The following MACROD2 variants were observed in gnomAD, a reference collection of about 807,000 sequenced individuals.
MACROD2 encodes mono-ADP ribosylhydrolase 2.
MACROD2 carries 36 observed loss-of-function variants against 70.4 expected under a neutral mutation model. The ratio of observed to expected loss-of-function variants is 0.51; its 90% CI spans 0.39 to 0.68. The LOEUF (loss-of-function observed/expected upper bound fraction) is 0.68, where lower values mean the gene tolerates loss of function less well. Among genes scored for constraint, MACROD2 ranks in the 30% least tolerant of loss-of-function variants. MACROD2 has a pLI of 0.00. For missense variants in MACROD2, 496 were observed against 538.4 expected (o/e 0.92, Z 0.78); for synonymous variants, 172 against 178.8 (o/e 0.96, Z 0.30).
intron 8 of MACROD2, among the ~76,000 whole-genome samples, chr20:15,572,323 A>C (rs1263271437): frequency 1.3e-5 from 2 of 152,156 alleles, no homozygotes; most frequent in Non-Finnish European, 2.9e-5. Flanking sequence ...TTTATTCTCA[A>C]ATTTGCAATG....
At chr20:14,756,106 G>A (rs1330957077) in intron 5 of MACROD2, among the ~76,000 whole-genome samples, 1 of 151,886 alleles carries the variant, frequency 6.6e-6, no homozygotes, top group Admixed American at 6.5e-5. Flanking sequence ...GAGACTTTTA[G>A]GCCTTACATG....
At chr20:15,031,946 C>G (rs1358997004) in intron 5 of MACROD2, among the ~76,000 whole-genome samples, 1 of 152,194 alleles carries the variant, frequency 6.6e-6, no homozygotes, top group Non-Finnish European at 1.5e-5. Flanking sequence ...CTGTTCGTGC[C>G]CAGGCCCGCA....
At chr20:16,023,339 G>T (rs1344572643) in intron 15 of MACROD2, among the ~76,000 whole-genome samples, 2 of 151,982 alleles carry the variant, frequency 1.3e-5, no homozygotes, top group East Asian at 1.9e-4. Flanking sequence ...GCCGGGCATG[G>T]TGGCGGGCTC....
At chr20:15,152,637 G>C (rs187661558) in intron 5 of MACROD2, among the ~76,000 whole-genome samples, 1 of 100,056 alleles carries the variant, frequency 1.0e-5, no homozygotes, top group Non-Finnish European at 2.2e-5. Flanking sequence ...GCGGAGAAGG[G>C]GTAGAGACAC....
intron 6 of MACROD2, among the ~76,000 whole-genome samples, chr20:15,258,591 T>C (rs937926693): frequency 1.3e-5 from 2 of 152,066 alleles, no homozygotes; most frequent in African/African-American, 4.8e-5. Context: ...GGCTACACCA[T>C]CTAGGTTTGT....
intron 6 of MACROD2, among the ~76,000 whole-genome samples, chr20:15,311,788 G>A (rs1344699893): frequency 6.6e-6 from 1 of 152,150 alleles, no homozygotes; most frequent in East Asian, 1.9e-4. Context: ...ACTAGAGTGG[G>A]GAGGGAAAGG....
chr20:14,931,745 T>C (rs1466648705), intron 5 of MACROD2, among the ~76,000 whole-genome samples: 1 of 151,454 alleles, frequency 6.6e-6, no homozygotes, highest in Admixed American at 6.6e-5. Context: ...TGGCGTGTAA[T>C]CCAGTGCTTT....
At chr20:14,828,833 A>G (rs977290086) in intron 5 of MACROD2, among the ~76,000 whole-genome samples, 1 of 152,078 alleles carries the variant, frequency 6.6e-6, no homozygotes, top group African/African-American at 2.4e-5. Context: ...ATCTTAAGTC[A>G]GATAATTTTA....
At chr20:14,988,637 T>C (rs2074871826) in intron 5 of MACROD2, among the ~76,000 whole-genome samples, 1 of 152,170 alleles carries the variant, frequency 6.6e-6, no homozygotes, top group Non-Finnish European at 1.5e-5. Flanking sequence ...AAACTACCTA[T>C]TTGCTATATC....
Position 14,326,383 on chromosome 20 carries a change from T to C in MACROD2, c.272-167096T>C. 1 of 1,613,942 alleles carries C rather than the reference T, an allele frequency of 6.2e-7. No individual in the cohort carries two copies. Among genetic ancestry groups the C allele is most frequent in the Non-Finnish European group, 8.5e-7 (1 of 1,179,880 alleles). On this transcript the variant is annotated intron_variant, in intron 3 of 17. Coordinates refer to ENST00000684519, the MANE Select transcript of MACROD2 (RefSeq NM_001351661.2). The surrounding 1 kb of genome is among the most constrained non-coding windows in gnomAD (Gnocchi z 5.5). ...AGCTGGCCACTGTCCTTGGGCAGGA[T>C]ACACTGTGTTGGGTATTGCAGTGGT...
At chr20:14,365,492 A>G (rs1364531142) in intron 3 of MACROD2, among the ~76,000 whole-genome samples, 1 of 151,718 alleles carries the variant, frequency 6.6e-6, no homozygotes, top group African/African-American at 2.4e-5. Context: ...TGATTATTGT[A>G]TATTTTTTAC....
At chr20:15,175,760 C>T (rs1214493549) in intron 5 of MACROD2, among the ~76,000 whole-genome samples, 1 of 152,238 alleles carries the variant, frequency 6.6e-6, no homozygotes, top group Non-Finnish European at 1.5e-5. Context: ...TCTGGAGGAG[C>T]CACTGCAAAG....
chr20:14,950,843 T>C (rs1457859216), intron 5 of MACROD2, among the ~76,000 whole-genome samples: 1 of 152,128 alleles, frequency 6.6e-6, no homozygotes, highest in African/African-American at 2.4e-5. Context: ...TGACCTGCTG[T>C]GACAATCTTC....
rs1441817684 is a variant in MACROD2, at chr20:14,446,015, T to A, written c.272-47464T>A. Among the ~76,000 whole-genome samples the A allele has an allele frequency of 1.3e-5, 2 of 152,054 alleles. 1 individual carries two copies. Among genetic ancestry groups the A allele is most frequent in the African/African-American group, 4.8e-5 (2 of 41,364 alleles). The stretch of plus-strand genomic sequence containing the variant: ...GTTTGTGACTATACATCCACTACTA[T>A]TTTACTGTCCAGAATTTGGTCATAC... On this transcript the variant is annotated intron_variant, in intron 3 of 17. Coordinates refer to ENST00000684519, the MANE Select transcript of MACROD2 (RefSeq NM_001351661.2).
intron 5 of MACROD2, among the ~76,000 whole-genome samples, chr20:14,973,097 T>G (rs138272365): frequency 6.6e-6 from 1 of 152,318 alleles, no homozygotes; most frequent in East Asian, 1.9e-4. Context: ...CTGAGAAATT[T>G]ATCATAAATC....
intron 8 of MACROD2, among the ~76,000 whole-genome samples, chr20:15,630,913 A>G (rs553772019): frequency 3.3e-5 from 5 of 152,312 alleles, no homozygotes; most frequent in African/African-American, 4.8e-5. Context: ...ATCGATTCCA[A>G]CAGAACTTTA....
intron 8 of MACROD2, among the ~76,000 whole-genome samples, chr20:15,834,976 G>T (rs905188530): frequency 3.9e-5 from 6 of 152,106 alleles, no homozygotes; most frequent in African/African-American, 1.4e-4. Context: ...GGCTTTTGCA[G>T]CTTCTGGCTG....
intron 3 of MACROD2, among the ~76,000 whole-genome samples, chr20:14,160,566 A>G (rs1254035511): frequency 6.6e-6 from 1 of 151,928 alleles, no homozygotes; most frequent in East Asian, 1.9e-4. Flanking sequence ...TATCAGTTGT[A>G]ATGTCTCCTT....
At chr20:14,706,694 C>T (rs978492841) in intron 5 of MACROD2, among the ~76,000 whole-genome samples, 13 of 152,066 alleles carry the variant, frequency 8.5e-5, no homozygotes, top group African/African-American at 1.4e-4. Context: ...CCTTTTGCTC[C>T]GCTTTATTCT....
Sources: allele counts gnomAD v4.1 joint callset (sites outside exome capture counted in the v4.1 genomes callset), GRCh38; gene constraint gnomAD v4.1.1; non-coding constraint Gnocchi (gnomAD v3.1); transcripts MANE v1.5; gene names NCBI Gene and HGNC (gene_info 2026-07-23, HGNC 2026-07-21).